METTL22: variants seen among roughly 807,000 people sequenced by gnomAD.
METTL22 encodes the protein methyltransferase-like protein 22.
Under a neutral mutation model 48.4 loss-of-function variants are expected in METTL22, and 51 were observed. That is an observed-to-expected ratio of 1.05 (90% CI 0.84 to 1.33). METTL22 has a LOEUF of 1.33. METTL22 is among the 40% of genes most tolerant of loss of function. The pLI, the probability that METTL22 is intolerant of heterozygous loss-of-function variation, is 0.00. For synonymous variants in METTL22, 255 were observed against 214.1 expected, an observed-to-expected ratio of 1.19 and a Z score of -1.67; for missense variants, 678 against 526.9, an observed-to-expected ratio of 1.29 and a Z score of -2.81.
chr16:8,656,925 A>G, the METTL22 span, among the ~76,000 whole-genome samples: 1 of 152,252 alleles, frequency 6.6e-6, no homozygotes, highest in African/African-American at 2.4e-5. Context: ...ACGAGAGAGA[A>G]GTAAACATGG....
intron 7 of METTL22, chr16:8,641,894 G>C: frequency 1.7e-6 from 1 of 591,350 alleles, no homozygotes; most frequent in South Asian, 2.0e-5. Context: ...TCCGCCCGCT[G>C]CTCACTGGCT....
intron 2 of METTL22, among the ~76,000 whole-genome samples, chr16:8,627,980 T>C (rs1269280069): frequency 1.3e-5 from 2 of 152,174 alleles, no homozygotes; most frequent in Non-Finnish European, 2.9e-5. Flanking sequence ...TCAAGAAATC[T>C]TCCTGTCTTG....
At chr16:8,666,314 G>C in the METTL22 span, among the ~76,000 whole-genome samples, 42 of 152,306 alleles carry the variant, frequency 2.8e-4, no homozygotes, top group African/African-American at 8.4e-4. Flanking sequence ...ATGGAACGGA[G>C]CTGCAGTCAC....
intron 3 of METTL22, among the ~76,000 whole-genome samples, chr16:8,632,696 C>T (rs1304607190): frequency 6.6e-6 from 1 of 152,160 alleles, no homozygotes; most frequent in African/African-American, 2.4e-5. Context: ...ACTGTTACAG[C>T]CTTAGAAATG....
At chr16:8,657,125 A>G in the METTL22 span, among the ~76,000 whole-genome samples, 411 of 152,278 alleles carry the variant, frequency 2.7e-3, no homozygotes, top group African/African-American at 9.4e-3. Context: ...ACCACAGCTG[A>G]GCCCTTCTTA....
the METTL22 span, among the ~76,000 whole-genome samples, chr16:8,659,728 G>GT: frequency 6.6e-5 from 9 of 136,228 alleles, no homozygotes; most frequent in African/African-American, 2.8e-4. Context: ...CAAGGACTTC[G>GT]CTTTTTTTTT....
intron 2 of METTL22, among the ~76,000 whole-genome samples, chr16:8,628,044 C>CT (rs1172447570): frequency 6.6e-6 from 1 of 152,170 alleles, no homozygotes; most frequent in East Asian, 1.9e-4. Flanking sequence ...AGCCAAAAAA[C>CT]TTTTTTATCT....
At chr16:8,643,452 C>A (rs1392668594) in intron 9 of METTL22, among the ~76,000 whole-genome samples, 1 of 152,184 alleles carries the variant, frequency 6.6e-6, no homozygotes, top group East Asian at 1.9e-4. Flanking sequence ...CTTCTTGAGA[C>A]ACACACTGAC....
At chr16:8,639,485 C>G in intron 6 of METTL22, 2 of 364,838 alleles carry the variant, frequency 5.5e-6, no homozygotes, top group Non-Finnish European at 1.0e-5. Flanking sequence ...CCAGAGTGCC[C>G]TTTCTCAGAT....
intron 3 of METTL22, among the ~76,000 whole-genome samples, chr16:8,633,470 G>A (rs1289093729): frequency 6.6e-6 from 1 of 152,168 alleles, no homozygotes; most frequent in Non-Finnish European, 1.5e-5. Flanking sequence ...GCCTGGCATG[G>A]AGGCATGCAC....
At chr16:8,662,846 C>T in the METTL22 span, among the ~76,000 whole-genome samples, 7 of 144,440 alleles carry the variant, frequency 4.8e-5, no homozygotes, top group Non-Finnish European at 1.1e-4. Flanking sequence ...ACTTACTTCT[C>T]AAAGTTGGAC....
intron 5 of METTL22, 145 bp from the exon 6 acceptor site, chr16:8,638,946 T>C (rs918385107): frequency 4.1e-6 from 3 of 735,016 alleles, no homozygotes; most frequent in Non-Finnish European, 4.7e-6. Flanking sequence ...TGAGGGTATT[T>C]AATTTTGGCA....
chr16:8,638,994 A>T lies in METTL22; in HGVS notation c.701-97A>T, dbSNP rs576096149. 1.7e-4 allele frequency: 197 copies of T among 1,178,382 alleles called. 1 individual carries two copies. In the African/African-American group the frequency reaches 2.7e-3, roughly 16 times the overall value. The allele number at this position is 1,178,382 out of a possible 1,614,324, so 73.0% of individuals were successfully genotyped here. ...GGAGAAACGTTTCTCTAATTTCTGC[A>T]GTTGTGCTGTTGATCACAGCTCTCT... On this transcript the variant is annotated intron_variant, in intron 5 of 10. Coordinates refer to ENST00000381920, the MANE Select transcript of METTL22 (RefSeq NM_024109.4).
chr16:8,657,824 C>CTTTTCTTTTTTTTTTTTTTTTT, the METTL22 span, among the ~76,000 whole-genome samples: 2 of 137,474 alleles, frequency 1.5e-5, no homozygotes, highest in African/African-American at 5.8e-5. Flanking sequence ...TCTTTTCTTT[C>CTTTTCTTTTTTTTTTTTTTTTT]TTTTTTTTTT....
At chr16:8,653,799 C>T (rs1276589442), downstream of METTL22, among the ~76,000 whole-genome samples, 1 of 152,122 alleles carries the variant, frequency 6.6e-6, no homozygotes, top group African/African-American at 2.4e-5. Context: ...GCTCAAGCTA[C>T]TGAAACGTTT....
At chr16:8,622,268 T>C (rs1000904147) in intron 1 of METTL22, among the ~76,000 whole-genome samples, 1 of 152,204 alleles carries the variant, frequency 6.6e-6, no homozygotes, top group African/African-American at 2.4e-5. Context: ...TTGAGTGAGT[T>C]GCAGTTATCA....
rs567529887 is a variant in METTL22, at chr16:8,639,893, C to A, written c.772+731C>A. Reference sequence around the variant, plus strand: ...CCTGTCTGTCTGCAGCGCCCCCCACCACCAACAGCCGACCTCACCGTCTTT... The same window carrying A: ...CCTGTCTGTCTGCAGCGCCCCCCACAACCAACAGCCGACCTCACCGTCTTT... On this transcript the variant is annotated intron_variant, in intron 6 of 10. Transcript: ENST00000381920. 3.4e-4 allele frequency among the ~76,000 whole-genome samples: 51 copies of A among 152,212 alleles called. 2 individuals are homozygous for A. The highest frequency in any genetic ancestry group is 1.1e-3 in the African/African-American group (45 of 41,536).
At chr16:8,638,354 A>G (rs969719604) in intron 5 of METTL22, among the ~76,000 whole-genome samples, 10 of 152,182 alleles carry the variant, frequency 6.6e-5, no homozygotes, top group Admixed American at 3.3e-4. Context: ...GTCATTAACA[A>G]GACATCCTGT....
the METTL22 span, among the ~76,000 whole-genome samples, chr16:8,665,072 A>C: frequency 6.6e-6 from 1 of 152,132 alleles, no homozygotes; most frequent in Non-Finnish European, 1.5e-5. Context: ...AGGAGTTTCC[A>C]CGGTATCCTC....
Sources: gnomAD v4.1 joint callset for allele counts (sites outside exome capture counted in the v4.1 genomes callset) on GRCh38, gnomAD v4.1.1 for gene constraint, MANE v1.5 for transcripts, NCBI Gene and HGNC (gene_info 2026-07-23, HGNC 2026-07-21) for gene names.